MYO10: variants seen among roughly 807,000 people sequenced by gnomAD.
MYO10 encodes the protein unconventional myosin-X.
In MYO10, 133 loss-of-function variants were observed where a neutral mutation model predicts 257.3. The ratio of observed to expected loss-of-function variants is 0.52; its 90% CI spans 0.45 to 0.60. The LOEUF is 0.60. MYO10 is among the 20% of genes least tolerant of loss of function. The pLI is 0.00. For synonymous variants in MYO10, 1,104 were observed against 1,028.6 expected (o/e 1.07, Z -1.40); for missense variants, 2,399 against 2,635.7 (o/e 0.91, Z 1.97).
At chr5:16,907,284 C>T (rs1393689976) in intron 1 of MYO10, among the ~76,000 whole-genome samples, 82 of 152,044 alleles carry the variant, frequency 5.4e-4, no homozygotes, top group Non-Finnish European at 1.2e-4. Flanking sequence ...TGAAGTAATT[C>T]CAGGGCACAC....
chr5:16,935,343 C>A (rs1746405074), intron 1 of MYO10, among the ~76,000 whole-genome samples: 1 of 152,198 alleles, frequency 6.6e-6, no homozygotes, highest in Non-Finnish European at 1.5e-5. Flanking sequence ...AGTGTTTGAA[C>A]CCCTGCACAG....
intron 2 of MYO10, among the ~76,000 whole-genome samples, chr5:16,824,488 G>A (rs549189415): frequency 9.2e-5 from 14 of 152,230 alleles, no homozygotes; most frequent in African/African-American, 3.4e-4. Context: ...GTCCTGAGAT[G>A]CCAAACAACC....
chr5:16,690,653 C>T (rs780579584), intron 27 of MYO10, among the ~76,000 whole-genome samples: 9 of 151,924 alleles, frequency 5.9e-5, no homozygotes, highest in Non-Finnish European at 8.8e-5. Context: ...CTCGGCCCGG[C>T]GTGAGCTCTT....
At chr5:16,913,879 A>C (rs1580144904) in intron 1 of MYO10, among the ~76,000 whole-genome samples, 2 of 152,300 alleles carry the variant, frequency 1.3e-5, no homozygotes, top group African/African-American at 4.8e-5. Context: ...AGACAAAAAG[A>C]CAAGAAGGAG....
intron 5 of MYO10, among the ~76,000 whole-genome samples, chr5:16,782,193 C>T (rs1265338984): frequency 6.6e-6 from 1 of 152,174 alleles, no homozygotes; most frequent in Non-Finnish European, 1.5e-5. Context: ...GAAATTTCAC[C>T]TATTTGTTGT....
rs1214859051 is a variant in MYO10, at chr5:16,769,188, T to A, written c.946A>T (p.Met316Leu). The A allele has an allele frequency of 1.2e-6, 2 of 1,609,482 alleles. No individual in the cohort carries two copies. The highest frequency in any genetic ancestry group is 2.2e-5 in the East Asian group (1 of 44,654). ...CGAACTTCCTCCTTGCTGAACTGCA[T>A]CACGTCCATTGCCGTCTAGAAGAAA... ...FREVITAMDV[M>L]QFSKEEVREV... The change falls in exon 10 of 41, where the codon ATG becomes TTG. Residue 316 changes from methionine (M) to leucine (L), a missense_variant. Met to Leu is a conservative substitution (Grantham distance 15, BLOSUM62 2). Transcript: ENST00000513610.
intron 1 of MYO10, among the ~76,000 whole-genome samples, chr5:16,914,849 G>A (rs1465668777): frequency 6.6e-6 from 1 of 152,236 alleles, no homozygotes; most frequent in Non-Finnish European, 1.5e-5. Flanking sequence ...GGGGAGCCAA[G>A]AAACTTGGGA....
At chr5:16,912,802 G>GCACGCACACACA (rs1554008422) in intron 1 of MYO10, among the ~76,000 whole-genome samples, 2 of 111,594 alleles carry the variant, frequency 1.8e-5, no homozygotes, top group African/African-American at 7.1e-5. Context: ...CTACCACCCT[G>GCACGCACACACA]CACACACACA....
chr5:16,713,171 T>C (rs373343801), intron 19 of MYO10, among the ~76,000 whole-genome samples: 1 of 152,170 alleles, frequency 6.6e-6, no homozygotes, highest in Admixed American at 6.5e-5. Flanking sequence ...ATCCAAAATA[T>C]CTCTATCTCT....
chr5:16,873,503 T>G (rs950722936), intron 2 of MYO10, among the ~76,000 whole-genome samples: 4 of 152,214 alleles, frequency 2.6e-5, no homozygotes, highest in African/African-American at 7.2e-5. Flanking sequence ...AGTGGCCCTC[T>G]TCTCACAGCT....
chr5:16,696,684 C>T (rs897851513), intron 26 of MYO10, among the ~76,000 whole-genome samples: 3 of 151,854 alleles, frequency 2.0e-5, no homozygotes, highest in Admixed American at 1.3e-4. Context: ...GGTGAAACCC[C>T]GTCTCTACTC....
At chr5:16,712,470 TG>T (rs1415180431) in intron 19 of MYO10, among the ~76,000 whole-genome samples, 2 of 152,180 alleles carry the variant, frequency 1.3e-5, no homozygotes, top group Non-Finnish European at 2.9e-5. Flanking sequence ...TTAAGCTGCA[TG>T]TTGTTATCCC....
chr5:16,778,053 T>C (rs1404938307), intron 9 of MYO10, among the ~76,000 whole-genome samples: 2 of 151,894 alleles, frequency 1.3e-5, no homozygotes, highest in South Asian at 2.1e-4. Context: ...GGTTTCACTA[T>C]GTTGGCCAGG....
rs1414719065 is a variant in MYO10 at position 16,748,520 on chromosome 5, C to T, written c.1929+6308G>A. 9.2e-4 allele frequency among the ~76,000 whole-genome samples: 130 copies of T among 141,310 alleles called. 1 individual carries two copies. The highest frequency in any genetic ancestry group is 3.3e-3 in the African/African-American group (125 of 38,016). 92.7% of individuals were successfully genotyped at this position (141,310 alleles called of 152,430 possible). ...CCCGCCCCCCATCAGCCTCCCAAAGCGCTGGGATTACAGGTGTGAGCCATT... is the reference window on the plus strand; with the variant it reads ...CCCGCCCCCCATCAGCCTCCCAAAGTGCTGGGATTACAGGTGTGAGCCATT... On this transcript the variant is annotated intron_variant, in intron 19 of 40. Transcript: ENST00000513610.
intron 27 of MYO10, 26 bp from the exon 28 acceptor site, chr5:16,689,945 G>T (rs756950395): frequency 1.3e-6 from 2 of 1,522,250 alleles, no homozygotes; most frequent in East Asian, 2.2e-5. Context: ...AGCAACAAAC[G>T]CACATCAGGA....
intron 1 of MYO10, among the ~76,000 whole-genome samples, chr5:16,932,087 A>G (rs1477958379): frequency 2.0e-5 from 3 of 152,242 alleles, no homozygotes; most frequent in Admixed American, 2.0e-4. Flanking sequence ...GCTCTAATCC[A>G]GAGTGAACCA....
intron 21 of MYO10, among the ~76,000 whole-genome samples, chr5:16,705,433 T>C (rs1190925763): frequency 6.6e-6 from 1 of 152,220 alleles, no homozygotes; most frequent in Non-Finnish European, 1.5e-5. Context: ...GCACTTTGTA[T>C]TAGAATTCCT....
At chr5:16,795,946 T>C (rs986282884) in intron 3 of MYO10, among the ~76,000 whole-genome samples, 1 of 151,894 alleles carries the variant, frequency 6.6e-6, no homozygotes, top group Non-Finnish European at 1.5e-5. Context: ...TCCCAGCATT[T>C]TGGGGGGCCG....
rs563670555 is a variant in MYO10 at position 16,757,793 on chromosome 5, T to C, written c.1848+325A>G. 5.1e-4 allele frequency among the ~76,000 whole-genome samples: 78 copies of C among 152,222 alleles called. 1 individual carries two copies. Among genetic ancestry groups the C allele is most frequent in the Middle Eastern group, 6.8e-3 (2 of 294 alleles). The stretch of plus-strand genomic sequence containing the variant: ...AATCCTCCCACCTCAGCCTCCTGAG[T>C]AGCTGGGACTACAGGCATGCGCCAC... On this transcript the variant is annotated intron_variant, in intron 18 of 40. Coordinates refer to ENST00000513610, the MANE Select transcript of MYO10 (RefSeq NM_012334.3).
Sources: allele counts gnomAD v4.1 joint callset (sites outside exome capture counted in the v4.1 genomes callset), GRCh38; gene constraint gnomAD v4.1.1; transcripts MANE v1.5; gene names NCBI Gene and HGNC (gene_info 2026-07-23, HGNC 2026-07-21).